The following IDH3G variants were observed in gnomAD, a reference collection of about 807,000 sequenced individuals.
IDH3G encodes the protein isocitrate dehydrogenase [NAD] subunit gamma, mitochondrial.
Under a neutral mutation model 26.9 loss-of-function variants are expected in IDH3G, and 9 were observed. That is an observed-to-expected ratio of 0.34 (90% CI 0.20 to 0.58). IDH3G has a LOEUF of 0.58. IDH3G is among the 20% of genes least tolerant of loss of function. IDH3G has a pLI of 0.85. For missense variants in IDH3G, 250 were observed against 372.8 expected (o/e 0.67, Z 2.71); for synonymous variants, 181 against 160.0 (o/e 1.13, Z -0.99).
rs189671386 is a variant in IDH3G at position 153,787,868 on chromosome X, A to G, written c.495T>C (p.Ile165=). 8.3e-7 allele frequency: 1 copy of G among 1,209,874 alleles called. No homozygotes were observed. Among genetic ancestry groups the G allele is most frequent in the East Asian group, 3.0e-5 (1 of 33,751 alleles). ...VTRHKDIDIL[I]VRENTEGEYS... The stretch of plus-strand genomic sequence containing the variant: ...ACTCGCCCTCTGTGTTCTCCCGGAC[A>G]ATGAGGATGTCTATGTCCTTGTGCC... The change falls in exon 7 of 13, where the codon ATT becomes ATC. Residue 165 remains isoleucine (I), a synonymous_variant. Coordinates refer to ENST00000217901, the MANE Select transcript of IDH3G (RefSeq NM_004135.4).
chrX:153,790,960 C>T (rs1215940290), intron 1 of IDH3G, 109 bp from the exon 2 acceptor site: 7 of 661,789 alleles, frequency 1.1e-5, no homozygotes, highest in Non-Finnish European at 1.7e-5. Context: ...CCTGTCTGTG[C>T]AGCATGGCCC....
In IDH3G at chrX:153,787,806, G is replaced by A. The variant is rs7060337; in HGVS notation, c.540+17C>T. On this transcript the variant is annotated intron_variant, in intron 7 of 12. Transcript: ENST00000217901. ...TCTTGACGCTGGGGGGGCTCATCTCGGGCCCCCCATGCACACCTCATGCTC... is the reference window on the plus strand; with the variant it reads ...TCTTGACGCTGGGGGGGCTCATCTCAGGCCCCCCATGCACACCTCATGCTC... 5.1e-3 allele frequency: 6,137 copies of A among 1,197,113 alleles called. 207 individuals are homozygous for A. The African/African-American group carries it at 0.095, about 19-fold the overall frequency.
chrX:153,793,270 C>G (rs1249876520), intron 1 of IDH3G, among the ~76,000 whole-genome samples: 7 of 111,891 alleles, frequency 6.3e-5, no homozygotes, highest in African/African-American at 1.3e-4. Flanking sequence ...CTATATACTG[C>G]CGTCCTTTCA....
intron 5 of IDH3G, 98 bp downstream of exon 5, chrX:153,789,614 A>C (rs782656909): frequency 4.3e-5 from 23 of 535,492 alleles, no homozygotes; most frequent in Non-Finnish European, 6.8e-5. Flanking sequence ...AGCAAGCAAG[A>C]AAGCAAGCAA....
Position 153,787,103 on chromosome X carries a change from C to T in IDH3G, c.725G>A (p.Arg242His), listed in dbSNP as rs1288444640. The T allele has an allele frequency of 2.7e-5, 33 of 1,209,269 alleles. No individual in the cohort carries two copies. The highest frequency in any genetic ancestry group is 5.2e-5 in the African/African-American group (3 of 57,404). Residue 242 changes from arginine (R) to histidine (H), a missense_variant, in exon 9 of 13, where the codon CGC (arginine) becomes CAC (histidine). Around this residue, in one of 2 missense-constraint regions of IDH3G, gnomAD observed 201 missense variants for 331.3 expected, o/e 0.61. Transcript: ENST00000217901. ...FLQCCREVAARYPQITFENMI... is the reference protein window; with the variant it reads ...FLQCCREVAAHYPQITFENMI... ...GTTCTCGAAGGTGATCTGAGGGTAGCGGGCTGCCACCTCCCTGCAGCACTG... is the reference window on the plus strand; with the variant it reads ...GTTCTCGAAGGTGATCTGAGGGTAGTGGGCTGCCACCTCCCTGCAGCACTG...
At position 153,790,856 on chromosome X, in the gene IDH3G, C is replaced by CAG. The variant is rs17430; in HGVS notation, c.82-7_82-6dup. 98,680 of 1,209,201 alleles carry CAG rather than the reference C, an allele frequency of 0.082. 3,325 individuals are homozygous for CAG. The highest frequency in any genetic ancestry group is 0.18 in the East Asian group (6,189 of 33,749). ...GACCTCGTGGGCGCCTAGAACCTGG[C>CAG]AGAGACCAAATGCCAGCGGTTGGTT... is the stretch of plus-strand genomic sequence containing the variant. On this transcript the variant is annotated splice_region_variant and splice_polypyrimidine_tract_variant and intron_variant, in intron 1 of 12. Transcript: ENST00000217901.
chrX:153,787,234 G>GCCTCCT, intron 8 of IDH3G, 81 bp from the exon 9 acceptor site: 1 of 819,728 alleles, frequency 1.2e-6, no homozygotes, highest in Non-Finnish European at 1.8e-6. Context: ...GAGGGCCCCA[G>GCCTCCT]GAGGCTGGGG....
intron 1 of IDH3G, among the ~76,000 whole-genome samples, chrX:153,791,789 G>A (rs1425676086): frequency 1.8e-4 from 20 of 112,289 alleles, no homozygotes; most frequent in African/African-American, 6.5e-4. Flanking sequence ...AGGCTCGGGC[G>A]GAGTCTGACC....
chrX:153,791,628 C>A (rs782600662), intron 1 of IDH3G, among the ~76,000 whole-genome samples: 1 of 112,940 alleles, frequency 8.9e-6, no homozygotes, highest in African/African-American at 3.2e-5. Flanking sequence ...ACCTAGAACA[C>A]ACCTGAGACG....
chrX:153,789,317 G>A (rs563562940), intron 5 of IDH3G: 5 of 295,823 alleles, frequency 1.7e-5, no homozygotes, highest in African/African-American at 5.4e-5. Flanking sequence ...AGGCTGAGGC[G>A]GGCAGATCAC....
chrX:153,788,554 G>A (rs782477412), intron 5 of IDH3G, among the ~76,000 whole-genome samples: 2 of 112,910 alleles, frequency 1.8e-5, no homozygotes, highest in Admixed American at 9.3e-5. Flanking sequence ...AGAGGCAGGC[G>A]GGGGCTGCCT....
chrX:153,790,928 C>T (rs1369202728), intron 1 of IDH3G, 77 bp from the exon 2 acceptor site: 1 of 934,215 alleles, frequency 1.1e-6, no homozygotes, highest in Non-Finnish European at 1.5e-6. Flanking sequence ...ACGGACCGTC[C>T]CCACTGTGCC....
rs2092087808 is a variant in IDH3G, at chrX:153,786,359, G to C, written c.1015C>G (p.Leu339Val). The C allele has an allele frequency of 1.7e-6, 2 of 1,207,285 alleles. No individual in the cohort carries two copies. The highest frequency in any genetic ancestry group is 2.2e-6 in the Non-Finnish European group (2 of 892,959). The change falls in exon 11 of 13, where the codon CTC (leucine) becomes GTC (valine). Residue 339 changes from leucine (L) to valine (V), a missense_variant. Leu to Val is a conservative substitution (Grantham distance 32, BLOSUM62 1). Transcript: ENST00000217901. ...LLASCMMLDH[L>V]KLHSYATSIR... ...GGGGCACTGGGAGCCACTCACTTGAGGTGGTCCAGCATCATGCAGCTGGCC... is the reference window on the plus strand; with the variant it reads ...GGGGCACTGGGAGCCACTCACTTGACGTGGTCCAGCATCATGCAGCTGGCC...
Position 153,786,294 on chromosome X carries a change from C to T in IDH3G, c.1020-22G>A, listed in dbSNP as rs782335292. ...CAGCCTAGAGGATGGGACAGCCAGC[C>T]TTCAGTCCCTGGGGCCCGGAGGGCT... On this transcript the variant is annotated intron_variant, in intron 11 of 12. Transcript: ENST00000217901. 4.2e-6 allele frequency: 5 copies of T among 1,204,118 alleles called. No homozygotes were observed. The East Asian group carries it at 1.5e-4, about 36-fold the overall frequency.
Position 153,787,889 on chromosome X carries a change from G to A in IDH3G, c.474C>T (p.His158=), listed in dbSNP as rs782653330. ...GGACAATGAGGATGTCTATGTCCTT[G>A]TGCCGGGTCACCACGCCTGGAAGGC... ...CKSLPGVVTR[H]KDIDILIVRE... The change falls in exon 7 of 13, where the codon CAC becomes CAT. Residue 158 remains histidine, a synonymous_variant. Transcript: ENST00000217901. 4.5e-5 allele frequency: 54 copies of A among 1,209,604 alleles called. No individual in the cohort carries two copies. The South Asian group carries it at 8.4e-4, about 19-fold the overall frequency.
intron 2 of IDH3G, 71 bp from the exon 3 acceptor site, chrX:153,790,646 T>C: frequency 8.8e-7 from 1 of 1,130,716 alleles, no homozygotes; most frequent in East Asian, 3.0e-5. Flanking sequence ...ACCAGGAAAG[T>C]GGGACCTTTT....
In IDH3G at chrX:153,787,645, C is replaced by G; in HGVS notation, c.541-48G>C. 2.5e-6 allele frequency: 3 copies of G among 1,187,802 alleles called. No homozygotes were observed. In the Admixed American group the frequency reaches 6.7e-5, roughly 27 times the overall value. ...AGACCCATGTGCTACTGAAGAGCAGCACTGGCCAAACAAGCTGGCGCGACC... is the reference window on the plus strand; with the variant it reads ...AGACCCATGTGCTACTGAAGAGCAGGACTGGCCAAACAAGCTGGCGCGACC... On this transcript the variant is annotated intron_variant, in intron 7 of 12. Coordinates refer to ENST00000217901, the MANE Select transcript of IDH3G (RefSeq NM_004135.4).
At chrX:153,788,990 A>C (rs542189548) in intron 5 of IDH3G, 2 of 281,939 alleles carry the variant, frequency 7.1e-6, no homozygotes, top group East Asian at 1.1e-4. Context: ...CTGGTTTGTG[A>C]AGAAAGATGC....
intron 3 of IDH3G, 91 bp from the exon 4 acceptor site, chrX:153,790,383 C>T: frequency 2.2e-6 from 2 of 921,122 alleles, no homozygotes; most frequent in South Asian, 2.1e-5. Context: ...CCCTTCTTCC[C>T]ACTGGCGCTG....
Sources: gnomAD v4.1 joint callset for allele counts (sites outside exome capture counted in the v4.1 genomes callset) on GRCh38, gnomAD v4.1.1 for gene constraint, gnomAD v4.1.1 regional missense constraint, MANE v1.5 for transcripts, NCBI Gene and HGNC (gene_info 2026-07-23, HGNC 2026-07-21) for gene names.